GMPR: variants seen among roughly 807,000 people sequenced by gnomAD.
GMPR encodes GMP reductase 1.
Under a neutral mutation model 38.4 loss-of-function variants are expected in GMPR, and 31 were observed. The ratio of observed to expected loss-of-function variants is 0.81; its 90% CI spans 0.61 to 1.09. The LOEUF is 1.09. Among genes scored for constraint, GMPR ranks in the 50% least tolerant of loss-of-function variants. The pLI, the probability that GMPR is intolerant of heterozygous loss-of-function variation, is 0.00. For synonymous variants in GMPR, 162 were observed against 173.3 expected, an observed-to-expected ratio of 0.93 and a Z score of 0.51; for missense variants, 468 against 453.7, an observed-to-expected ratio of 1.03 and a Z score of -0.29.
intron 4 of GMPR, among the ~76,000 whole-genome samples, chr6:16,272,912 C>A (rs971118775): frequency 2.6e-5 from 4 of 152,132 alleles, no homozygotes; most frequent in East Asian, 1.9e-4. Context: ...AATCCACTTA[C>A]CTCAGCCTCC....
intron 6 of GMPR, among the ~76,000 whole-genome samples, chr6:16,285,012 T>G: frequency 8.1e-6 from 1 of 123,408 alleles, no homozygotes; most frequent in African/African-American, 3.3e-5. Context: ...AGAGTGAGAC[T>G]GTCTCAAAAA....
chr6:16,247,008 GACAGGTTA>G (rs1561819048), intron 2 of GMPR, 47 bp downstream of exon 2: 1 of 1,593,368 alleles, frequency 6.3e-7, no homozygotes, highest in Non-Finnish European at 8.6e-7. Flanking sequence ...TCACACTGTG[GACAGGTTA>G]TCAGGAGCCG....
At chr6:16,268,410 G>A (rs1759311904) in intron 4 of GMPR, among the ~76,000 whole-genome samples, 1 of 152,076 alleles carries the variant, frequency 6.6e-6, no homozygotes, top group South Asian at 2.1e-4. Context: ...CGCCTCCCAG[G>A]TTCAAGTGAT....
At chr6:16,248,434 CAG>C (rs1041130236) in intron 2 of GMPR, among the ~76,000 whole-genome samples, 1 of 150,782 alleles carries the variant, frequency 6.6e-6, no homozygotes, top group African/African-American at 2.4e-5. Context: ...CTGCTGCACT[CAG>C]GGGTTCTGTC....
chr6:16,266,740 G>C (rs905949640), intron 4 of GMPR, among the ~76,000 whole-genome samples: 1 of 151,598 alleles, frequency 6.6e-6, no homozygotes, highest in African/African-American at 2.4e-5. Context: ...GAACCTGGGA[G>C]GGGGAGCTTG....
chr6:16,270,993 C>A (rs1347158777), intron 4 of GMPR, among the ~76,000 whole-genome samples: 1 of 151,770 alleles, frequency 6.6e-6, no homozygotes, highest in Admixed American at 6.6e-5. Context: ...TAGAGACCAG[C>A]CTGGGCAACA....
chr6:16,261,844 T>TG (rs1759091953), intron 4 of GMPR, among the ~76,000 whole-genome samples: 1 of 151,134 alleles, frequency 6.6e-6, no homozygotes, highest in Admixed American at 6.7e-5. Flanking sequence ...GGGTTAAGGT[T>TG]GGGGGATACA....
intron 1 of GMPR, among the ~76,000 whole-genome samples, chr6:16,245,886 G>A (rs1758741992): frequency 6.6e-6 from 1 of 152,214 alleles, no homozygotes; most frequent in African/African-American, 2.4e-5. Context: ...TTCTGGAGAA[G>A]CTGTCTAAGG....
rs1402550316 is a variant in GMPR, at chr6:16,246,893, G to A, written c.139G>A (p.Gly47Arg). The change falls in exon 2 of 9, where the codon GGG becomes AGG. Residue 47 changes from glycine to arginine, a missense_variant. Gly to Arg is a moderately radical substitution (Grantham distance 125). Coordinates refer to ENST00000259727, the MANE Select transcript of GMPR (RefSeq NM_006877.4). ...TCGAAATTCAAAGCAGACCTACTCAGGGATTCCCATCATCGTGGCCAACAT... is the reference window on the plus strand; with the variant it reads ...TCGAAATTCAAAGCAGACCTACTCAAGGATTCCCATCATCGTGGCCAACAT... ...TFRNSKQTYSGIPIIVANMDT... is the reference protein window; with the variant it reads ...TFRNSKQTYSRIPIIVANMDT... 2 of 1,613,578 alleles carry A rather than the reference G, an allele frequency of 1.2e-6. No individual in the cohort carries two copies. Among genetic ancestry groups the A allele is most frequent in the Non-Finnish European group, 1.7e-6 (2 of 1,179,654 alleles).
intron 1 of GMPR, among the ~76,000 whole-genome samples, chr6:16,239,496 C>G (rs1758603955): frequency 1.3e-5 from 2 of 152,208 alleles, no homozygotes; most frequent in African/African-American, 2.4e-5. Context: ...TAGCCTGAGG[C>G]TGGGGGAAGG....
At chr6:16,241,488 G>C (rs4712279) in intron 1 of GMPR, among the ~76,000 whole-genome samples, 11,321 of 152,272 alleles carry the variant, frequency 0.074, 506 homozygotes, top group Admixed American at 0.12. Flanking sequence ...GGTGGCCTTC[G>C]CCTGGATTCT....
chr6:16,276,757 A>G (rs2113695403), intron 5 of GMPR, among the ~76,000 whole-genome samples: 1 of 152,300 alleles, frequency 6.6e-6, no homozygotes, highest in South Asian at 2.1e-4. Context: ...TATCTAAATG[A>G]TAGCATTATT....
intron 8 of GMPR, among the ~76,000 whole-genome samples, chr6:16,293,123 T>C (rs575628043): frequency 1.0e-3 from 156 of 152,310 alleles, no homozygotes; most frequent in African/African-American, 3.7e-3. Context: ...TATGTACACA[T>C]TGCTGGTTCT....
At chr6:16,238,840 A>G in intron 1 of GMPR, 60 bp downstream of exon 1, 1 of 864,396 alleles carries the variant, frequency 1.2e-6, no homozygotes, top group Non-Finnish European at 1.7e-6. Context: ...GGCGCGGGGC[A>G]AGTGGGTGGA....
Position 16,253,951 on chromosome 6 carries a change from G to T in GMPR, c.292-611G>T, listed in dbSNP as rs565950467. 7.2e-5 allele frequency among the ~76,000 whole-genome samples: 11 copies of T among 152,028 alleles called. No individual in the cohort carries two copies. The South Asian group carries it at 2.1e-3, about 29-fold the overall frequency. ...TTTAGTGGCGGGGTGGGGTTTGGCGGACGGAACCTTGCTCTGTTGCCCAGA... is the reference window on the plus strand; with the variant it reads ...TTTAGTGGCGGGGTGGGGTTTGGCGTACGGAACCTTGCTCTGTTGCCCAGA... On this transcript the variant is annotated intron_variant, in intron 3 of 8. Coordinates refer to ENST00000259727, the MANE Select transcript of GMPR (RefSeq NM_006877.4).
intron 4 of GMPR, among the ~76,000 whole-genome samples, chr6:16,267,086 G>T (rs1002922803): frequency 6.6e-6 from 1 of 151,978 alleles, no homozygotes; most frequent in African/African-American, 2.4e-5. Flanking sequence ...TAACATGGCC[G>T]GGCGCTGTGG....
At position 16,244,339 on chromosome 6, in the gene GMPR, A is replaced by T. The variant is rs971604253; in HGVS notation, c.88-2503A>T. Among the ~76,000 whole-genome samples the T allele has an allele frequency of 1.7e-4, 26 of 151,422 alleles. 1 individual carries two copies. On this transcript the variant is annotated intron_variant, in intron 1 of 8. Coordinates refer to ENST00000259727, the MANE Select transcript of GMPR (RefSeq NM_006877.4). ...TCAATCCTCCCACCTCAGCCTCCTG[A>T]GTAGCTGGGACTACAGGCTCGCACC...
intron 1 of GMPR, among the ~76,000 whole-genome samples, chr6:16,243,869 C>G (rs1325375851): frequency 6.6e-6 from 1 of 152,204 alleles, no homozygotes; most frequent in Non-Finnish European, 1.5e-5. Context: ...TTTCCAAGGG[C>G]CACCCATGAT....
At chr6:16,281,156 G>A (rs1561832822) in intron 6 of GMPR, among the ~76,000 whole-genome samples, 1 of 152,202 alleles carries the variant, frequency 6.6e-6, no homozygotes, top group Non-Finnish European at 1.5e-5. Flanking sequence ...CTGAGAACTT[G>A]TTACAAATTC....
Sources: allele counts gnomAD v4.1 joint callset (sites outside exome capture counted in the v4.1 genomes callset), GRCh38; gene constraint gnomAD v4.1.1; transcripts MANE v1.5; gene names NCBI Gene and HGNC (gene_info 2026-07-23, HGNC 2026-07-21).